The following TOX variants were observed in gnomAD, a reference collection of about 807,000 sequenced individuals.
TOX encodes the protein thymocyte selection associated high mobility group box.
A neutral mutation model predicts 53.7 loss-of-function variants in TOX; 11 were observed. The observed-to-expected ratio is 0.20, with a 90% CI of 0.13 to 0.34. TOX has a LOEUF of 0.34. Ranked by LOEUF, TOX falls within the 10% of genes least tolerant of loss-of-function variation. The probability of loss-of-function intolerance (pLI) is 1.00; values close to 1 mark genes in which losing one functional copy is unlikely to be tolerated. For missense variants in TOX, 570 were observed against 664.6 expected (o/e 0.86, Z 1.56); for synonymous variants, 225 against 245.3 (o/e 0.92, Z 0.77).
chr8:59,003,702 A>G (rs1813737353), intron 1 of TOX, among the ~76,000 whole-genome samples: 1 of 152,250 alleles, frequency 6.6e-6, no homozygotes, highest in African/African-American at 2.4e-5. Context: ...ATATGGGATG[A>G]ATAAAGTATA....
At chr8:59,036,446 T>C (rs1373027499) in intron 1 of TOX, among the ~76,000 whole-genome samples, 1 of 152,210 alleles carries the variant, frequency 6.6e-6, no homozygotes, top group Non-Finnish European at 1.5e-5. Context: ...CTCTACTGTG[T>C]CTTATCCTGC....
chr8:59,030,893 T>C (rs1054444073), intron 1 of TOX, among the ~76,000 whole-genome samples: 2 of 152,206 alleles, frequency 1.3e-5, no homozygotes, highest in African/African-American at 4.8e-5. Context: ...ACTGAGTCAT[T>C]GTGTCAGAAA....
At chr8:59,051,078 C>T (rs1436369151) in intron 1 of TOX, among the ~76,000 whole-genome samples, 1 of 152,046 alleles carries the variant, frequency 6.6e-6, no homozygotes, top group Non-Finnish European at 1.5e-5. Context: ...AGATGACTTC[C>T]AGAACACAAA....
chr8:58,908,497 C>T (rs1368174425), intron 3 of TOX, among the ~76,000 whole-genome samples: 2 of 152,174 alleles, frequency 1.3e-5, no homozygotes, highest in Non-Finnish European at 2.9e-5. Context: ...GGGTTTTACT[C>T]TTCCAAATTC....
chr8:58,820,301 G>T (rs1810252721), intron 6 of TOX, among the ~76,000 whole-genome samples: 1 of 148,770 alleles, frequency 6.7e-6, no homozygotes, highest in South Asian at 2.1e-4. Context: ...GTTTCCATTT[G>T]TCCTTTATAA....
At chr8:58,942,714 T>C (rs533909557) in intron 2 of TOX, among the ~76,000 whole-genome samples, 3 of 152,354 alleles carry the variant, frequency 2.0e-5, no homozygotes, top group African/African-American at 7.2e-5. Context: ...ACATTTAACT[T>C]AACAATAGTT....
Position 58,873,958 on chromosome 8 carries a change from C to CTTTTTT in TOX, c.412-22159_412-22154dup, listed in dbSNP as rs1173710545. Among the ~76,000 whole-genome samples, 83 of 40,136 alleles carry CTTTTTT rather than the reference C, an allele frequency of 2.1e-3. 23 individuals carry two copies. The highest frequency in any genetic ancestry group is 9.2e-3 in the African/African-American group (53 of 5,790). The allele number at this position is 40,136 out of a possible 152,430, so 26.3% of individuals were successfully genotyped here. ...AATACACATCCTGAATGCCAGGAAG[C>CTTTTTT]TTTTTTTTTTTTTTTTTTTTTTTTT... On this transcript the variant is annotated intron_variant, in intron 3 of 8. Transcript: ENST00000361421.
chr8:59,058,534 A>G (rs978139976), intron 1 of TOX, among the ~76,000 whole-genome samples: 12 of 152,234 alleles, frequency 7.9e-5, no homozygotes, highest in African/African-American at 2.9e-4. Flanking sequence ...TGGAGACACT[A>G]AGTTCCGGAA....
intron 1 of TOX, among the ~76,000 whole-genome samples, chr8:59,106,054 G>C (rs527814597): frequency 6.6e-6 from 1 of 152,156 alleles, no homozygotes; most frequent in South Asian, 2.1e-4. Context: ...TTCAACCAAA[G>C]AGCCATTTTT....
chr8:58,976,350 A>G (rs1384222111), intron 1 of TOX, among the ~76,000 whole-genome samples: 1 of 152,268 alleles, frequency 6.6e-6, no homozygotes, highest in Non-Finnish European at 1.5e-5. Context: ...CTCCTCATCC[A>G]TTAAAATTTT....
intron 1 of TOX, among the ~76,000 whole-genome samples, chr8:59,060,068 C>A (rs1443627268): frequency 6.6e-6 from 1 of 151,988 alleles, no homozygotes; most frequent in African/African-American, 2.4e-5. Context: ...TATTCTTTGA[C>A]AAAATTCTAA....
At chr8:58,881,790 T>C (rs142172481) in intron 3 of TOX, among the ~76,000 whole-genome samples, 1 of 149,896 alleles carries the variant, frequency 6.7e-6, no homozygotes, top group Non-Finnish European at 1.5e-5. Flanking sequence ...AAAGGTGACA[T>C]GCACACCAAG....
chr8:59,067,245 C>T (rs115042307), intron 1 of TOX, among the ~76,000 whole-genome samples: 127 of 152,142 alleles, frequency 8.3e-4, no homozygotes, highest in African/African-American at 3.0e-3. Flanking sequence ...TTAAACAATG[C>T]TCTCATTTAA....
intron 1 of TOX, among the ~76,000 whole-genome samples, chr8:59,036,994 T>C (rs1038411518): frequency 3.3e-5 from 5 of 152,242 alleles, no homozygotes; most frequent in Non-Finnish European, 5.9e-5. Context: ...CAATTCCTTA[T>C]ATGACCTGGA....
chr8:58,843,031 A>G (rs1810670439), intron 4 of TOX, among the ~76,000 whole-genome samples: 2 of 152,176 alleles, frequency 1.3e-5, no homozygotes, highest in African/African-American at 4.8e-5. Flanking sequence ...TCCATTGTAT[A>G]TCTGATTGAG....
chr8:58,989,112 C>T (rs897884356), intron 1 of TOX, among the ~76,000 whole-genome samples: 9 of 152,076 alleles, frequency 5.9e-5, no homozygotes, highest in African/African-American at 1.2e-4. Context: ...GTCAGGAGTT[C>T]GAAACCAGCC....
intron 1 of TOX, among the ~76,000 whole-genome samples, chr8:59,033,318 T>G (rs1025638030): frequency 3.3e-5 from 5 of 152,200 alleles, no homozygotes; most frequent in Non-Finnish European, 7.3e-5. Flanking sequence ...CAGTAGGCAC[T>G]CAGTGAAAAA....
rs188519273 is a variant in TOX at position 58,847,470 on chromosome 8, A to C, written c.693+4054T>G. Among the ~76,000 whole-genome samples, 20 of 152,248 alleles carry C rather than the reference A, an allele frequency of 1.3e-4. No homozygotes were observed. In the East Asian group the frequency reaches 2.9e-3, roughly 22 times the overall value. On this transcript the variant is annotated intron_variant, in intron 4 of 8. Transcript: ENST00000361421. ...AGCTGAAAAGAGAATTACGAGCTGG[A>C]AAATAAGTTAAATCAGAATGTAATA...
chr8:59,054,162 T>C (rs1346036446), intron 1 of TOX, among the ~76,000 whole-genome samples: 9 of 152,216 alleles, frequency 5.9e-5, no homozygotes, highest in African/African-American at 1.4e-4. Context: ...ATATGCATAA[T>C]GCCAATTTAT....
Sources: gnomAD v4.1 joint callset for allele counts (sites outside exome capture counted in the v4.1 genomes callset) on GRCh38, gnomAD v4.1.1 for gene constraint, MANE v1.5 for transcripts, NCBI Gene and HGNC (gene_info 2026-07-23, HGNC 2026-07-21) for gene names.